PSTPIP2: variants seen among roughly 807,000 people sequenced by gnomAD.
The protein encoded by PSTPIP2 is proline-serine-threonine phosphatase-interacting protein 2.
In PSTPIP2, 33 loss-of-function variants were observed where a neutral mutation model predicts 63.3. The ratio of observed to expected loss-of-function variants is 0.52; its 90% CI spans 0.40 to 0.70. The LOEUF (loss-of-function observed/expected upper bound fraction) is 0.70. PSTPIP2 is among the 30% of genes least tolerant of loss of function. The pLI, the probability that PSTPIP2 is intolerant of heterozygous loss-of-function variation, is 0.00. For missense variants in PSTPIP2, 312 were observed against 400.7 expected, an observed-to-expected ratio of 0.78 and a Z score of 1.89; for synonymous variants, 125 against 132.7, an observed-to-expected ratio of 0.94 and a Z score of 0.40.
Position 46,006,841 on chromosome 18 carries a change from C to T in PSTPIP2, c.355-1310G>A, listed in dbSNP as rs148844002. On this transcript the variant is annotated intron_variant, in intron 5 of 14. Coordinates refer to ENST00000409746, the MANE Select transcript of PSTPIP2 (RefSeq NM_024430.4). ...GTAGCTTCCATTTATCAAGCACTTACGCGCTAAGCAGTTTTCATGCATCAC... is the reference window on the plus strand; with the variant it reads ...GTAGCTTCCATTTATCAAGCACTTATGCGCTAAGCAGTTTTCATGCATCAC... 2.9e-4 allele frequency among the ~76,000 whole-genome samples: 44 copies of T among 152,316 alleles called. No individual in the cohort carries two copies. In the East Asian group the frequency reaches 7.1e-3, roughly 25 times the overall value.
intron 1 of PSTPIP2, among the ~76,000 whole-genome samples, chr18:46,044,700 C>G (rs930189930): frequency 2.0e-5 from 3 of 152,084 alleles, no homozygotes; most frequent in Admixed American, 6.6e-5. Context: ...GCAAAAGAAA[C>G]TACCATCAGA....
At chr18:45,985,507 C>G in intron 14 of PSTPIP2, 57 bp from the exon 15 acceptor site, 1 of 1,569,542 alleles carries the variant, frequency 6.4e-7, no homozygotes. Context: ...TCAATACTCT[C>G]TCCTACCTTG....
intron 2 of PSTPIP2, 132 bp downstream of exon 2, chr18:46,039,815 T>C: frequency 2.7e-6 from 2 of 746,902 alleles, no homozygotes; most frequent in Non-Finnish European, 4.6e-6. Context: ...TTCTCAGGTA[T>C]CATTCCATAA....
At chr18:46,035,893 T>C (rs1018530097) in intron 2 of PSTPIP2, among the ~76,000 whole-genome samples, 1 of 152,160 alleles carries the variant, frequency 6.6e-6, no homozygotes, top group Admixed American at 6.5e-5. Flanking sequence ...CCAACATAAG[T>C]GCCAAAGGGA....
rs1176096803 is a variant in PSTPIP2, at chr18:46,009,385, AAAAAAAC to A, written c.354+1789_354+1795del. 5.1e-3 allele frequency among the ~76,000 whole-genome samples: 694 copies of A among 136,330 alleles called. 14 individuals carry two copies. The highest frequency in any genetic ancestry group is 0.014 in the Middle Eastern group (4 of 288). The allele number at this position is 136,330 out of a possible 152,430, so 89.4% of individuals were successfully genotyped here. On this transcript the variant is annotated intron_variant, in intron 5 of 14. Transcript: ENST00000409746. Reference sequence around the variant, plus strand: ...TGTAAAAAAAAAAAAAAAAAAAAAAAAAAAAACCTAGCTAAATACGGAAGTGGTAAAA... The same window carrying A: ...TGTAAAAAAAAAAAAAAAAAAAAAAACTAGCTAAATACGGAAGTGGTAAAA...
At chr18:46,032,278 T>C (rs1907811060) in intron 2 of PSTPIP2, among the ~76,000 whole-genome samples, 1 of 152,124 alleles carries the variant, frequency 6.6e-6, no homozygotes, top group African/African-American at 2.4e-5. Context: ...TTTACTACCA[T>C]GTAACAAGGG....
chr18:46,049,845 A>C (rs1030926429), intron 1 of PSTPIP2, among the ~76,000 whole-genome samples: 3 of 152,184 alleles, frequency 2.0e-5, no homozygotes, highest in African/African-American at 7.2e-5. Flanking sequence ...ACGCCACGGC[A>C]CTCCAGCCTG....
chr18:45,999,603 G>A, intron 6 of PSTPIP2, 69 bp from the exon 7 acceptor site: 14 of 1,538,550 alleles, frequency 9.1e-6, no homozygotes, highest in East Asian at 2.3e-5. Context: ...CAGCCCCCTT[G>A]GCCCAGGAAG....
In PSTPIP2 at chr18:45,990,577, G is replaced by C. The variant is rs557427822; in HGVS notation, c.955+145C>G. 5 of 593,522 alleles carry C rather than the reference G, an allele frequency of 8.4e-6. No individual in the cohort carries two copies. The South Asian group carries it at 1.0e-4, about 12-fold the overall frequency. The allele number at this position is 593,522 out of a possible 1,614,324, so 36.8% of individuals were successfully genotyped here. A position where few individuals can be genotyped will look rare whatever the true frequency, so the allele number is the denominator to read the frequency against. On this transcript the variant is annotated intron_variant, in intron 13 of 14. Coordinates refer to ENST00000409746, the MANE Select transcript of PSTPIP2 (RefSeq NM_024430.4). The stretch of plus-strand genomic sequence containing the variant: ...CCTGAGTAGCTGGGATTACAGGCAC[G>C]CACCACCACACCCAGCTAATTTTTG...
chr18:46,021,370 T>G (rs1907339952), intron 3 of PSTPIP2, among the ~76,000 whole-genome samples: 1 of 151,782 alleles, frequency 6.6e-6, no homozygotes, highest in Admixed American at 6.6e-5. Context: ...TTTAGAAGTT[T>G]TATTGTTAGT....
At chr18:46,039,109 A>G (rs935661118) in intron 2 of PSTPIP2, among the ~76,000 whole-genome samples, 6 of 152,048 alleles carry the variant, frequency 3.9e-5, no homozygotes, top group African/African-American at 1.4e-4. Context: ...TACAAATAGA[A>G]CCTGTTCATT....
chr18:46,056,143 C>T (rs1599745703), intron 1 of PSTPIP2, among the ~76,000 whole-genome samples: 1 of 152,204 alleles, frequency 6.6e-6, no homozygotes, highest in East Asian at 1.9e-4. Context: ...GGAATCTGTG[C>T]TGGCTTCGCT....
chr18:46,054,275 T>C (rs542498756), intron 1 of PSTPIP2, among the ~76,000 whole-genome samples: 40 of 152,342 alleles, frequency 2.6e-4, no homozygotes, highest in South Asian at 1.9e-3. Context: ...ATGTGGCCCA[T>C]GTCTACATAT....
chr18:46,038,551 ACT>A (rs1323889438), intron 2 of PSTPIP2, among the ~76,000 whole-genome samples: 2 of 152,116 alleles, frequency 1.3e-5, no homozygotes, highest in African/African-American at 2.4e-5. Flanking sequence ...TGCTCATGAA[ACT>A]CTTTGTCCTA....
intron 4 of PSTPIP2, among the ~76,000 whole-genome samples, chr18:46,013,694 T>C (rs1039857152): frequency 6.6e-6 from 1 of 152,112 alleles, no homozygotes; most frequent in Non-Finnish European, 1.5e-5. Flanking sequence ...CTATGACTTA[T>C]GTCTTCCATT....
chr18:46,063,331 G>C (rs1909057082), intron 1 of PSTPIP2, among the ~76,000 whole-genome samples: 1 of 152,018 alleles, frequency 6.6e-6, no homozygotes, highest in African/African-American at 2.4e-5. Flanking sequence ...GTAAAACTTG[G>C]ACCACAGAAA....
intron 5 of PSTPIP2, among the ~76,000 whole-genome samples, chr18:46,006,742 G>T (rs1179282975): frequency 6.6e-6 from 1 of 152,062 alleles, no homozygotes; most frequent in Non-Finnish European, 1.5e-5. Flanking sequence ...TCTTTATTGT[G>T]GCAGTGCTGT....
At chr18:46,066,984 G>A (rs1257106084) in intron 1 of PSTPIP2, among the ~76,000 whole-genome samples, 3 of 146,050 alleles carry the variant, frequency 2.1e-5, no homozygotes, top group Admixed American at 1.4e-4. Context: ...CCGAGATCTC[G>A]CAACTGCACT....
intron 1 of PSTPIP2, among the ~76,000 whole-genome samples, chr18:46,070,443 C>T (rs1045779116): frequency 2.0e-5 from 3 of 152,250 alleles, no homozygotes; most frequent in African/African-American, 7.2e-5. Flanking sequence ...TAGCGCCCGC[C>T]TGGCCTTAGC....
Sources: gnomAD v4.1 joint callset for allele counts (sites outside exome capture counted in the v4.1 genomes callset) on GRCh38, gnomAD v4.1.1 for gene constraint, MANE v1.5 for transcripts, NCBI Gene and HGNC (gene_info 2026-07-23, HGNC 2026-07-21) for gene names.